The following PCDHB3 variants were observed in gnomAD, a reference collection of about 807,000 sequenced individuals.
PCDHB3 encodes protocadherin beta-3.
For missense variants in PCDHB3, 967 were observed against 1,012.1 expected (o/e 0.96, Z 0.60); for synonymous variants, 479 against 456.0 (o/e 1.05, Z -0.64).
In PCDHB3 at chr5:141,101,921, T is replaced by C. The variant is rs782130482; in HGVS notation, c.1272T>C (p.Thr424=). Reference sequence around the variant, plus strand: ...AGTACAACATTACCATCACTATCACTGACCTGGGGACACCCAGGCTGAAAA... The same window carrying C: ...AGTACAACATTACCATCACTATCACCGACCTGGGGACACCCAGGCTGAAAA... The part of the protein sequence containing the change: ...RSEYNITITI[T]DLGTPRLKTK... Residue 424 remains threonine, a synonymous_variant, in exon 1 of 1, where the codon ACT becomes ACC. Coordinates refer to ENST00000231130, the MANE Select transcript of PCDHB3 (RefSeq NM_018937.5). 10 of 1,614,106 alleles carry C rather than the reference T, an allele frequency of 6.2e-6. No individual in the cohort carries two copies. The highest frequency in any genetic ancestry group is 8.5e-7 in the Non-Finnish European group (1 of 1,180,024).
Position 141,103,715 on chromosome 5 carries a change from T to G in PCDHB3, c.*675T>G, listed in dbSNP as rs916604695. The G allele has an allele frequency of 6.6e-6, 1 of 152,234 alleles. No homozygotes were observed. Among genetic ancestry groups the G allele is most frequent in the Non-Finnish European group, 1.5e-5 (1 of 68,040 alleles). 9.4% of individuals were successfully genotyped at this position (152,234 alleles called of 1,614,324 possible). A position where few individuals can be genotyped will look rare whatever the true frequency, so the allele number is the denominator to read the frequency against. ...TATTTCAATATTTTATGTGCTTATATTGGCCAAAATATGGACACAAATATA... is the reference window on the plus strand; with the variant it reads ...TATTTCAATATTTTATGTGCTTATAGTGGCCAAAATATGGACACAAATATA... On this transcript the variant is annotated 3_prime_UTR_variant, in exon 1 of 1. Coordinates refer to ENST00000231130, the MANE Select transcript of PCDHB3 (RefSeq NM_018937.5).
chr5:141,100,812 A>C lies in PCDHB3; in HGVS notation c.163A>C (p.Arg55=). The change falls in exon 1 of 1, where the codon AGG becomes CGG. Residue 55 remains arginine (R), a synonymous_variant. Coordinates refer to ENST00000231130, the MANE Select transcript of PCDHB3 (RefSeq NM_018937.5). ...IANLAKDLGL[R]VEELAARGAQ... is the part of the protein sequence containing the mutation. Reference sequence around the variant, plus strand: ...CAACCTAGCAAAGGATCTGGGACTAAGGGTAGAGGAACTGGCCGCGAGGGG... The same window carrying C: ...CAACCTAGCAAAGGATCTGGGACTACGGGTAGAGGAACTGGCCGCGAGGGG... The C allele has an allele frequency of 1.9e-6, 3 of 1,614,148 alleles. No individual in the cohort carries two copies. The highest frequency in any genetic ancestry group is 2.5e-6 in the Non-Finnish European group (3 of 1,180,030).
rs782505633 is a variant in PCDHB3, at chr5:141,100,909, A to G, written c.260A>G (p.Asn87Ser). ...LSHQTGDLLL[N>S]EKLDREELCG... ...CATCAGACAGGTGATTTGCTCCTGAATGAGAAATTGGACCGGGAGGAGCTA... is the reference window on the plus strand; with the variant it reads ...CATCAGACAGGTGATTTGCTCCTGAGTGAGAAATTGGACCGGGAGGAGCTA... The change falls in exon 1 of 1, where the codon AAT becomes AGT. Residue 87 changes from asparagine (N) to serine (S), a missense_variant. Transcript: ENST00000231130. The G allele has an allele frequency of 1.9e-6, 3 of 1,613,976 alleles. No homozygotes were observed. The highest frequency in any genetic ancestry group is 2.5e-6 in the Non-Finnish European group (3 of 1,180,016).
chr5:141,103,766 G>A lies in PCDHB3; in HGVS notation c.*726G>A, dbSNP rs1752019204. On this transcript the variant is annotated 3_prime_UTR_variant, in exon 1 of 1. Coordinates refer to ENST00000231130, the MANE Select transcript of PCDHB3 (RefSeq NM_018937.5). ...GACTAATATGGGTAATTACCCTTTGGTTTATCTAAAGTGTGTTCATGATGA... is the reference window on the plus strand; with the variant it reads ...GACTAATATGGGTAATTACCCTTTGATTTATCTAAAGTGTGTTCATGATGA... 1 of 152,046 alleles carries A rather than the reference G, an allele frequency of 6.6e-6. No individual in the cohort carries two copies. Among genetic ancestry groups the A allele is most frequent in the South Asian group, 2.1e-4 (1 of 4,826 alleles). The allele number at this position is 152,046 out of a possible 1,614,324, so 9.4% of individuals were successfully genotyped here.
In PCDHB3 at chr5:141,100,568, T is replaced by G; in HGVS notation, c.-82T>G. 1 of 1,120,918 alleles carries G rather than the reference T, an allele frequency of 8.9e-7. No individual in the cohort carries two copies. Among genetic ancestry groups the G allele is most frequent in the Non-Finnish European group, 1.3e-6 (1 of 773,196 alleles). 69.4% of individuals were successfully genotyped at this position (1,120,918 alleles called of 1,614,324 possible). A position where few individuals can be genotyped will look rare whatever the true frequency, so the allele number is the denominator to read the frequency against. On this transcript the variant is annotated 5_prime_UTR_variant, in exon 1 of 1. Transcript: ENST00000231130. ...TTATTCACTAGGCCGTCTACAAAGG[T>G]TGTGGGGCAAAAGACTGTTTCCCAG...
Position 141,102,630 on chromosome 5 carries a change from C to T in PCDHB3, c.1981C>T (p.Leu661Phe). 6.2e-7 allele frequency: 1 copy of T among 1,610,018 alleles called. No individual in the cohort carries two copies. The highest frequency in any genetic ancestry group is 1.1e-5 in the South Asian group (1 of 90,992). Residue 661 changes from leucine to phenylalanine, a missense_variant, in exon 1 of 1, where the codon CTC becomes TTC. Leu to Phe is a conservative substitution (Grantham distance 22). Transcript: ENST00000231130. The stretch of plus-strand genomic sequence containing the variant: ...CTCGGCCACCGCCACGCTGCATGTG[C>T]TCCTGGTGGACGGCTTCTCCCAGCC... The part of the protein sequence containing the change: ...PRSATATLHV[L>F]LVDGFSQPYL...
In PCDHB3 at chr5:141,102,125, G is replaced by T. The variant is rs1437842576; in HGVS notation, c.1476G>T (p.Pro492=). 4.3e-6 allele frequency: 7 copies of T among 1,612,742 alleles called. No individual in the cohort carries two copies. In the African/African-American group the frequency reaches 8.0e-5, roughly 18 times the overall value. The change falls in exon 1 of 1, where the codon CCG becomes CCT. Residue 492 remains proline (P), a synonymous_variant. Transcript: ENST00000231130. ...CCCAGGTAACCTACTCGCTGCTGCC[G>T]CCCCAGGACCCGCACCTGCCCCTCT... ...TNAQVTYSLL[P]PQDPHLPLSS...
Position 141,102,265 on chromosome 5 carries a change from C to T in PCDHB3, c.1616C>T (p.Pro539Leu), listed in dbSNP as rs17844396. The T allele has an allele frequency of 1.2e-6, 2 of 1,611,992 alleles. No individual in the cohort carries two copies. Among genetic ancestry groups the T allele is most frequent in the African/African-American group, 1.3e-5 (1 of 74,894 alleles). The change falls in exon 1 of 1, where the codon CCG (proline) becomes CTG (leucine). Residue 539 changes from proline to leucine, a missense_variant. Physicochemically the swap from Pro to Leu is moderately conservative, Grantham distance 98. Transcript: ENST00000231130. ...GTGGGCGCCACAGACCGTGGCTCCC[C>T]GGCTTTGAGCAGCGAGGCGCTGGTG... ...FRVGATDRGS[P>L]ALSSEALVRV...
chr5:141,102,095 C>A lies in PCDHB3; in HGVS notation c.1446C>A (p.Thr482=), dbSNP rs1751962984. The part of the protein sequence containing the change: ...SVSATDRDSG[T]NAQVTYSLLP... ...GCGCCACAGACAGAGACTCAGGCAC[C>A]AACGCCCAGGTAACCTACTCGCTGC... The change falls in exon 1 of 1, where the codon ACC becomes ACA. Residue 482 remains threonine (T), a synonymous_variant. Coordinates refer to ENST00000231130, the MANE Select transcript of PCDHB3 (RefSeq NM_018937.5). 2.5e-6 allele frequency: 4 copies of A among 1,612,950 alleles called. No homozygotes were observed. The highest frequency in any genetic ancestry group is 3.4e-6 in the Non-Finnish European group (4 of 1,180,042).
In PCDHB3 at chr5:141,101,656, A is replaced by G; in HGVS notation, c.1007A>G (p.Gln336Arg). The G allele has an allele frequency of 1.2e-6, 2 of 1,614,070 alleles. No individual in the cohort carries two copies. Among genetic ancestry groups the G allele is most frequent in the Non-Finnish European group, 8.5e-7 (1 of 1,180,010 alleles). ...TCCGGAAAGTCTACAGTCATAGTCC[A>G]GGTGGTTGATGTCAACGACAACCCA... ...GLSGKSTVIV[Q>R]VVDVNDNPPE... Residue 336 changes from glutamine to arginine, a missense_variant, in exon 1 of 1, where the codon CAG becomes CGG. By Grantham distance (43) the Gln-to-Arg change is conservative (BLOSUM62 1). Transcript: ENST00000231130.
Position 141,102,799 on chromosome 5 carries a change from G to A in PCDHB3, c.2150G>A (p.Ser717Asn). ...GTGGCGGTGCGGCTGTGCAGGAGGA[G>A]CAGGGCGGCCTCGGTGGGTCGCTGC... Reference protein sequence around the residue: ...LFVAVRLCRRSRAASVGRCSV... With the variant: ...LFVAVRLCRRNRAASVGRCSV... The change falls in exon 1 of 1, where the codon AGC becomes AAC. Residue 717 changes from serine to asparagine, a missense_variant. Coordinates refer to ENST00000231130, the MANE Select transcript of PCDHB3 (RefSeq NM_018937.5). The A allele has an allele frequency of 6.2e-7, 1 of 1,612,344 alleles. No homozygotes were observed. The highest frequency in any genetic ancestry group is 1.1e-5 in the South Asian group (1 of 91,002).
In PCDHB3 at chr5:141,100,673, T is replaced by C. The variant is rs782646430; in HGVS notation, c.24T>C (p.Phe8=). The C allele has an allele frequency of 5.4e-5, 86 of 1,606,496 alleles. No individual in the cohort carries two copies. The highest frequency in any genetic ancestry group is 7.3e-5 in the Non-Finnish European group (86 of 1,175,752). MEAGGER[F]LRQRQVLLLF... ...CAATGGAGGCGGGAGGAGAGCGATT[T>C]CTTAGACAAAGGCAAGTCTTGCTTC... Residue 8 remains phenylalanine, a synonymous_variant, in exon 1 of 1, where the codon TTT becomes TTC. Coordinates refer to ENST00000231130, the MANE Select transcript of PCDHB3 (RefSeq NM_018937.5).
Position 141,102,124 on chromosome 5 carries a change from C to T in PCDHB3, c.1475C>T (p.Pro492Leu), listed in dbSNP as rs1554272484. ...GCCCAGGTAACCTACTCGCTGCTGC[C>T]GCCCCAGGACCCGCACCTGCCCCTC... ...TNAQVTYSLL[P>L]PQDPHLPLSS... Residue 492 changes from proline (P) to leucine (L), a missense_variant, in exon 1 of 1, where the codon CCG becomes CTG. Physicochemically the swap from Pro to Leu is moderately conservative, Grantham distance 98. Transcript: ENST00000231130. 6 of 1,612,820 alleles carry T rather than the reference C, an allele frequency of 3.7e-6. No individual in the cohort carries two copies. The highest frequency in any genetic ancestry group is 1.3e-5 in the African/African-American group (1 of 74,890).
In PCDHB3 at chr5:141,102,006, C is replaced by T. The variant is rs1554272438; in HGVS notation, c.1357C>T (p.Gln453Ter). 5 of 1,613,316 alleles carry T rather than the reference C, an allele frequency of 3.1e-6. No individual in the cohort carries two copies. Among genetic ancestry groups the T allele is most frequent in the Non-Finnish European group, 4.2e-6 (5 of 1,180,024 alleles). ...CAATGACAACGCCCCCGCCTTCACC[C>T]AAATCTCCTACACCCTGTTCGTCCG... Reference protein sequence around the residue: ...DVNDNAPAFTQISYTLFVREN... With the variant: ...DVNDNAPAFT Residue 453 changes from glutamine to a stop codon, truncating the protein, a stop_gained, in exon 1 of 1, where the codon CAA becomes TAA. Coordinates refer to ENST00000231130, the MANE Select transcript of PCDHB3 (RefSeq NM_018937.5). LOFTEE classifies it low-confidence loss of function (END_TRUNC).
At position 141,103,045 on chromosome 5, in the gene PCDHB3, T is replaced by C. The variant is rs560094086; in HGVS notation, c.*5T>C. 4 of 1,603,178 alleles carry C rather than the reference T, an allele frequency of 2.5e-6. No individual in the cohort carries two copies. The highest frequency in any genetic ancestry group is 3.4e-6 in the Non-Finnish European group (4 of 1,174,096). ...AAGAGCTTTGAATTCAGTTAAGTGT[T>C]AATAAGGATCTACTGAGCCTCGTCT... On this transcript the variant is annotated 3_prime_UTR_variant, in exon 1 of 1. Coordinates refer to ENST00000231130, the MANE Select transcript of PCDHB3 (RefSeq NM_018937.5).
In PCDHB3 at chr5:141,103,277, A is replaced by C; in HGVS notation, c.*237A>C. On this transcript the variant is annotated 3_prime_UTR_variant, in exon 1 of 1. Transcript: ENST00000231130. ...CCTTAGTCGATAGAACATTTTGTTT[A>C]TATATTGATTCTACTTTTTCTGTAG... The C allele has an allele frequency of 2.3e-6, 1 of 429,572 alleles. No individual in the cohort carries two copies. The highest frequency in any genetic ancestry group is 3.6e-5 in the East Asian group (1 of 27,740). The allele number at this position is 429,572 out of a possible 1,614,324, so 26.6% of individuals were successfully genotyped here. A position where few individuals can be genotyped will look rare whatever the true frequency, so the allele number is the denominator to read the frequency against.
rs1304742998 is a variant in PCDHB3, at chr5:141,102,027, G to A, written c.1378G>A (p.Val460Ile). Residue 460 changes from valine to isoleucine, a missense_variant, in exon 1 of 1, where the codon GTC becomes ATC. Val to Ile is a conservative substitution (Grantham distance 29). Transcript: ENST00000231130. Reference protein sequence around the residue: ...AFTQISYTLFVRENNSPALHI... With the variant: ...AFTQISYTLFIRENNSPALHI... Reference sequence around the variant, plus strand: ...CACCCAAATCTCCTACACCCTGTTCGTCCGCGAGAACAACAGCCCCGCCCT... The same window carrying A: ...CACCCAAATCTCCTACACCCTGTTCATCCGCGAGAACAACAGCCCCGCCCT... 3 of 1,612,962 alleles carry A rather than the reference G, an allele frequency of 1.9e-6. No homozygotes were observed. The highest frequency in any genetic ancestry group is 1.7e-5 in the Admixed American group (1 of 60,008).
Position 141,101,197 on chromosome 5 carries a change from G to A in PCDHB3, c.548G>A (p.Arg183His), listed in dbSNP as rs553356982. ...AATTCCCACTTCCACGTACTCACTCGCAGTCGTAGGGACGGAAGGAAGTAC... is the reference window on the plus strand; with the variant it reads ...AATTCCCACTTCCACGTACTCACTCACAGTCGTAGGGACGGAAGGAAGTAC... ...TPNSHFHVLT[R>H]SRRDGRKYPE... Residue 183 changes from arginine (R) to histidine (H), a missense_variant, in exon 1 of 1, where the codon CGC (arginine) becomes CAC (histidine). Arg to His is a conservative substitution (Grantham distance 29). Coordinates refer to ENST00000231130, the MANE Select transcript of PCDHB3 (RefSeq NM_018937.5). The A allele has an allele frequency of 5.0e-6, 8 of 1,614,108 alleles. No individual in the cohort carries two copies. The highest frequency in any genetic ancestry group is 1.3e-5 in the African/African-American group (1 of 75,020).
At position 141,101,622 on chromosome 5, in the gene PCDHB3, G is replaced by T; in HGVS notation, c.973G>T (p.Gly325Ter). 1 of 1,614,042 alleles carries T rather than the reference G, an allele frequency of 6.2e-7. No individual in the cohort carries two copies. Among genetic ancestry groups the T allele is most frequent in the Non-Finnish European group, 8.5e-7 (1 of 1,179,986 alleles). Reference sequence around the variant, plus strand: ...AGTCGACATCGAGGCCAAGGATGGCGGAGGCCTATCCGGAAAGTCTACAGT... The same window carrying T: ...AGTCGACATCGAGGCCAAGGATGGCTGAGGCCTATCCGGAAAGTCTACAGT... The part of the protein sequence containing the change: ...YEVDIEAKDG[G>*]GLSGKSTVIV... The change falls in exon 1 of 1, where the codon GGA (glycine) becomes TGA (stop). Residue 325 changes from glycine (G) to a stop codon, truncating the protein, a stop_gained. Coordinates refer to ENST00000231130, the MANE Select transcript of PCDHB3 (RefSeq NM_018937.5). LOFTEE classifies it low-confidence loss of function (END_TRUNC).
Sources: gnomAD v4.1 joint callset for allele counts on GRCh38, gnomAD v4.1.1 for gene constraint, MANE v1.5 for transcripts, NCBI Gene and HGNC (gene_info 2026-07-23, HGNC 2026-07-21) for gene names.